The following TMEM266 variants were observed in gnomAD, a reference collection of about 807,000 sequenced individuals.
TMEM266 encodes transmembrane protein 266, also known as Hv1 related protein 1.
TMEM266 carries 33 observed loss-of-function variants against 50.5 expected under a neutral mutation model. That is an observed-to-expected ratio of 0.65 (90% confidence interval 0.50 to 0.87). TMEM266 has a LOEUF of 0.87. Among genes scored for constraint, TMEM266 ranks in the 40% least tolerant of loss-of-function variants. TMEM266 has a pLI of 0.00. For synonymous variants in TMEM266, 310 were observed against 292.3 expected (o/e 1.06, Z -0.62); for missense variants, 655 against 695.1 (o/e 0.94, Z 0.65).
chr15:76,188,477 C>A (rs572953415), intron 8 of TMEM266, among the ~76,000 whole-genome samples: 1 of 152,174 alleles, frequency 6.6e-6, no homozygotes, highest in Non-Finnish European at 1.5e-5. Flanking sequence ...GTGGCACATG[C>A]CTGTAGTCCC....
chr15:76,119,391 CAAAAAAAAAA>C (rs57532855), intron 1 of TMEM266, among the ~76,000 whole-genome samples: 5 of 109,786 alleles, frequency 4.6e-5, no homozygotes, highest in Admixed American at 1.7e-4. Flanking sequence ...GGGTTTATGG[CAAAAAAAAAA>C]AAAAAAAAAA....
chr15:76,091,726 C>T (rs1432138045), intron 1 of TMEM266, among the ~76,000 whole-genome samples: 1 of 151,024 alleles, frequency 6.6e-6, no homozygotes, highest in African/African-American at 2.4e-5. Context: ...CAGTGGCTCA[C>T]ACCTGTAATC....
intron 3 of TMEM266, among the ~76,000 whole-genome samples, chr15:76,141,151 C>T (rs1171223538): frequency 6.6e-6 from 1 of 152,098 alleles, no homozygotes; most frequent in Non-Finnish European, 1.5e-5. Flanking sequence ...TTTCTAACAT[C>T]GTGGCTGTGA....
intron 1 of TMEM266, among the ~76,000 whole-genome samples, chr15:76,127,877 G>T (rs1205154351): frequency 6.6e-6 from 1 of 151,940 alleles, no homozygotes; most frequent in Admixed American, 6.6e-5. Flanking sequence ...GTATCCTCTG[G>T]GAATTTGTTA....
chr15:76,101,146 T>A (rs1159516104), intron 1 of TMEM266, among the ~76,000 whole-genome samples: 1 of 152,156 alleles, frequency 6.6e-6, no homozygotes, highest in Non-Finnish European at 1.5e-5. Flanking sequence ...GAAGGATGAA[T>A]TAGTGACTTT....
intron 1 of TMEM266, among the ~76,000 whole-genome samples, chr15:76,093,671 T>C (rs1249801767): frequency 6.6e-6 from 1 of 152,082 alleles, no homozygotes; most frequent in Non-Finnish European, 1.5e-5. Context: ...TAGTTCTAGA[T>C]CCTTGAGGAA....
At chr15:76,093,202 T>C (rs2036875910) in intron 1 of TMEM266, among the ~76,000 whole-genome samples, 1 of 151,848 alleles carries the variant, frequency 6.6e-6, no homozygotes, top group Admixed American at 6.6e-5. Flanking sequence ...TTTAATTACA[T>C]AGGTATACAC....
At chr15:76,115,334 G>A (rs895936864) in intron 1 of TMEM266, among the ~76,000 whole-genome samples, 5 of 152,130 alleles carry the variant, frequency 3.3e-5, no homozygotes, top group African/African-American at 9.7e-5. Flanking sequence ...TGATGTGAAC[G>A]TGGGAAGATG....
In TMEM266 at chr15:76,168,881, C is replaced by T. The variant is rs564767291; in HGVS notation, c.457-935C>T. Among the ~76,000 whole-genome samples, 79 of 152,216 alleles carry T rather than the reference C, an allele frequency of 5.2e-4. 4 individuals carry two copies. The South Asian group carries it at 0.016, about 30-fold the overall frequency. ...GTGTGCAAGAGCTTCATGGAGGTGACGTTCAAGCCAGAAGGACAGGAAGGG... is the reference window on the plus strand; with the variant it reads ...GTGTGCAAGAGCTTCATGGAGGTGATGTTCAAGCCAGAAGGACAGGAAGGG... On this transcript the variant is annotated intron_variant, in intron 5 of 10. Transcript: ENST00000388942. The surrounding 1 kb of genome is among the most constrained non-coding windows in gnomAD (Gnocchi z 4.4).
chr15:76,169,875 A>G lies in TMEM266; in HGVS notation c.513+3A>G. On this transcript the variant is annotated splice_donor_region_variant and intron_variant, in intron 6 of 10. Transcript: ENST00000388942. ...ATTACATCGAAAACAAAATAGAGGT[A>G]AAGACCAATGTCCACCCCCAAAGCC... is the stretch of plus-strand genomic sequence containing the variant. 1.2e-6 allele frequency: 2 copies of G among 1,613,114 alleles called. No homozygotes were observed. The highest frequency in any genetic ancestry group is 2.2e-5 in the East Asian group (1 of 44,882).
At chr15:76,200,966 C>G (rs929155665) in intron 9 of TMEM266, among the ~76,000 whole-genome samples, 1 of 152,212 alleles carries the variant, frequency 6.6e-6, no homozygotes, top group African/African-American at 2.4e-5. Context: ...AGACTGGCTT[C>G]TGCAGCTCAC....
At chr15:76,133,625 C>G (rs2037548024) in intron 1 of TMEM266, among the ~76,000 whole-genome samples, 1 of 152,080 alleles carries the variant, frequency 6.6e-6, no homozygotes, top group African/African-American at 2.4e-5. Flanking sequence ...GGTCACAGAG[C>G]TAGTAGGTGG....
intron 8 of TMEM266, among the ~76,000 whole-genome samples, chr15:76,182,865 C>T (rs2038437264): frequency 6.6e-6 from 1 of 152,086 alleles, no homozygotes; most frequent in Non-Finnish European, 1.5e-5. Context: ...GGAAAGAAAC[C>T]CAGGGCTTCA....
chr15:76,142,668 G>A (rs1224940849), intron 3 of TMEM266, among the ~76,000 whole-genome samples: 3 of 152,206 alleles, frequency 2.0e-5, no homozygotes, highest in African/African-American at 7.2e-5. Context: ...GTCCAGGAAA[G>A]TCCTGCGGGG....
intron 1 of TMEM266, among the ~76,000 whole-genome samples, chr15:76,084,595 T>C (rs568338230): frequency 2.1e-4 from 28 of 134,776 alleles, no homozygotes; most frequent in Non-Finnish European, 3.5e-4. Flanking sequence ...AGGGTTTTTT[T>C]TGGTTTTTTT....
chr15:76,132,813 A>AATTATTATTATT lies in TMEM266; in HGVS notation c.-96-1329_-96-1318dup, dbSNP rs58869632. Among the ~76,000 whole-genome samples the AATTATTATTATT allele has an allele frequency of 2.9e-3, 398 of 135,010 alleles. 2 individuals are homozygous for AATTATTATTATT. Among genetic ancestry groups the AATTATTATTATT allele is most frequent in the Middle Eastern group, 7.8e-3 (2 of 258 alleles). 88.6% of individuals were successfully genotyped at this position (135,010 alleles called of 152,430 possible). On this transcript the variant is annotated intron_variant, in intron 1 of 10. Coordinates refer to ENST00000388942, the MANE Select transcript of TMEM266 (RefSeq NM_152335.3). Reference sequence around the variant, plus strand: ...CTGTCTCTCAAATAATAATAATAGTAATTATTATTATTATTATTATTATTA... The same window carrying AATTATTATTATT: ...CTGTCTCTCAAATAATAATAATAGTAATTATTATTATTATTATTATTATTATTATTATTATTA...
intron 8 of TMEM266, 183 bp downstream of exon 8, chr15:76,175,857 T>C (rs2038268178): frequency 3.7e-6 from 2 of 547,822 alleles, no homozygotes; most frequent in South Asian, 2.0e-5. Context: ...CACTGATGTA[T>C]AGCCCAGCCA....
intron 9 of TMEM266, among the ~76,000 whole-genome samples, chr15:76,200,399 A>G (rs924907483): frequency 5.3e-5 from 8 of 152,186 alleles, no homozygotes; most frequent in African/African-American, 1.9e-4. Context: ...ACAGATGAAG[A>G]AACTGAGGCC....
At chr15:76,107,256 G>A (rs866415027) in intron 1 of TMEM266, among the ~76,000 whole-genome samples, 1 of 152,048 alleles carries the variant, frequency 6.6e-6, no homozygotes, top group African/African-American at 2.4e-5. Flanking sequence ...TCATTCATAC[G>A]AGGTTTTCAG....
Sources: allele counts gnomAD v4.1 joint callset (sites outside exome capture counted in the v4.1 genomes callset), GRCh38; gene constraint gnomAD v4.1.1; non-coding constraint Gnocchi (gnomAD v3.1); transcripts MANE v1.5; gene names NCBI Gene and HGNC (gene_info 2026-07-23, HGNC 2026-07-21).